Variants in ZNF69 observed in about 807,000 individuals in gnomAD.
ZNF69 encodes ZNF3.
Under a neutral mutation model 50.9 loss-of-function variants are expected in ZNF69, and 47 were observed. That is an observed-to-expected ratio of 0.92 (90% confidence interval 0.73 to 1.18). The LOEUF is 1.18. Among genes scored for constraint, ZNF69 ranks in the 50% most tolerant of loss-of-function variants. The pLI, the probability that ZNF69 is intolerant of heterozygous loss-of-function variation, is 0.00. For synonymous variants in ZNF69, 216 were observed against 223.1 expected, an observed-to-expected ratio of 0.97 and a Z score of 0.29; for missense variants, 717 against 675.1, an observed-to-expected ratio of 1.06 and a Z score of -0.69.
the ZNF69 span, among the ~76,000 whole-genome samples, chr19:11,954,232 C>G: frequency 6.6e-6 from 1 of 151,962 alleles, no homozygotes; most frequent in African/African-American, 2.4e-5. Context: ...CCAAAAAATC[C>G]CAGGTTTGAT....
At chr19:11,924,431 CAAAAAAAA>C in the ZNF69 span, among the ~76,000 whole-genome samples, 11 of 65,214 alleles carry the variant, frequency 1.7e-4, no homozygotes, top group Non-Finnish European at 2.5e-4. Context: ...GACTCCGTCT[CAAAAAAAA>C]AAAAAAAAAA....
At chr19:11,913,684 C>A in exon 5 of ZNF69, 1 of 248,070 alleles carries the variant, frequency 4.0e-6, no homozygotes, top group Non-Finnish European at 7.6e-6. Flanking sequence ...CCATCATGCC[C>A]AGCCGCAACC....
chr19:11,901,771 A>T (rs1243698738), intron 1 of ZNF69, among the ~76,000 whole-genome samples: 5 of 152,170 alleles, frequency 3.3e-5, no homozygotes, highest in Non-Finnish European at 4.4e-5. Context: ...GGCATGAGCC[A>T]CCATGCCTGG....
At chr19:11,889,426 T>C (rs567953857) in intron 1 of ZNF69, among the ~76,000 whole-genome samples, 101 of 152,292 alleles carry the variant, frequency 6.6e-4, no homozygotes, top group Non-Finnish European at 1.2e-3. Flanking sequence ...GGGGTTCCCT[T>C]GGCCAAGAGC....
chr19:11,950,553 G>T, the ZNF69 span: 1 of 578,514 alleles, frequency 1.7e-6, no homozygotes, highest in Non-Finnish European at 3.3e-6. Flanking sequence ...ATGTGGGAAA[G>T]CCTTCAGATG....
downstream of ZNF69, among the ~76,000 whole-genome samples, chr19:11,917,893 C>A (rs1001201584): frequency 2.7e-5 from 4 of 148,794 alleles, no homozygotes; most frequent in African/African-American, 1.0e-4. Context: ...GCTCAAGCAA[C>A]TGTCCTACCT....
chr19:11,977,386 AC>A, the ZNF69 span: 12 of 1,613,880 alleles, frequency 7.4e-6, no homozygotes, highest in Admixed American at 2.0e-4. Context: ...AAGTGGAAAG[AC>A]CAGAACATTG....
chr19:11,903,840 G>C (rs1972302076), intron 2 of ZNF69, 65 bp from the exon 3 acceptor site: 2 of 1,606,346 alleles, frequency 1.2e-6, no homozygotes, highest in Non-Finnish European at 8.5e-7. Context: ...CATGGGCATA[G>C]AATCTAATAA....
chr19:11,909,903 A>T (rs879286580), downstream of ZNF69, among the ~76,000 whole-genome samples: 51 of 151,272 alleles, frequency 3.4e-4, 1 homozygote, highest in Admixed American at 2.0e-3. Flanking sequence ...AGATGACATG[A>T]TTGTATATTT....
At chr19:11,895,465 A>G (rs556002362) in intron 1 of ZNF69, among the ~76,000 whole-genome samples, 87 of 152,324 alleles carry the variant, frequency 5.7e-4, no homozygotes, top group African/African-American at 1.9e-3. Flanking sequence ...TAGAGCAAGC[A>G]GGCACTAGTT....
chr19:11,942,535 C>T, the ZNF69 span, among the ~76,000 whole-genome samples: 7 of 152,074 alleles, frequency 4.6e-5, no homozygotes, highest in South Asian at 2.1e-4. Flanking sequence ...CGGCCAGGAG[C>T]GTCAGCAGAC....
the ZNF69 span, among the ~76,000 whole-genome samples, chr19:11,958,670 G>A: frequency 3.3e-4 from 50 of 152,278 alleles, no homozygotes; most frequent in South Asian, 6.2e-4. Context: ...ACACTGCCTA[G>A]GAGTGGGCCA....
At chr19:11,965,295 T>C in the ZNF69 span, 1 of 1,588,822 alleles carries the variant, frequency 6.3e-7, no homozygotes, top group Non-Finnish European at 8.6e-7. Context: ...GACCCGGGCC[T>C]CCCTGCGGGC....
the ZNF69 span, among the ~76,000 whole-genome samples, chr19:11,962,701 T>C: frequency 6.6e-6 from 1 of 152,142 alleles, no homozygotes; most frequent in Non-Finnish European, 1.5e-5. Context: ...CATCTAATGT[T>C]CAAGTTGGTA....
At chr19:11,888,914 T>C (rs1049338276) in intron 1 of ZNF69, among the ~76,000 whole-genome samples, 10 of 151,882 alleles carry the variant, frequency 6.6e-5, no homozygotes, top group African/African-American at 2.2e-4. Flanking sequence ...CAGGTTGCAG[T>C]GAGCCCACAC....
At chr19:11,954,529 C>CTA in the ZNF69 span, among the ~76,000 whole-genome samples, 1 of 152,090 alleles carries the variant, frequency 6.6e-6, no homozygotes, top group South Asian at 2.1e-4. Context: ...AGGTTTGTCT[C>CTA]CTTATAAAGA....
chr19:11,930,909 G>A, the ZNF69 span, among the ~76,000 whole-genome samples: 1 of 146,554 alleles, frequency 6.8e-6, no homozygotes, highest in Non-Finnish European at 1.5e-5. Flanking sequence ...TGAGGCAGGA[G>A]AATCACTTGA....
chr19:11,895,185 A>G (rs1977196232), intron 1 of ZNF69, among the ~76,000 whole-genome samples: 1 of 152,216 alleles, frequency 6.6e-6, no homozygotes, highest in Admixed American at 6.5e-5. Context: ...ATTTTTCACT[A>G]GAGCCAAATC....
At chr19:11,916,383 G>A (rs1029730389), downstream of ZNF69, among the ~76,000 whole-genome samples, 1 of 152,204 alleles carries the variant, frequency 6.6e-6, no homozygotes, top group Non-Finnish European at 1.5e-5. Flanking sequence ...GGGAGGCTGA[G>A]GCAGGCAGAT....
Sources: gnomAD v4.1 joint callset for allele counts (sites outside exome capture counted in the v4.1 genomes callset) on GRCh38, gnomAD v4.1.1 for gene constraint, MANE v1.5 for transcripts, NCBI Gene and HGNC (gene_info 2026-07-23, HGNC 2026-07-21) for gene names.